Variants in AUTS2 observed in about 807,000 individuals in gnomAD.
AUTS2 encodes autism susceptibility gene 2 protein.
A neutral mutation model predicts 112.4 loss-of-function variants in AUTS2; 17 were observed. That is an observed-to-expected ratio of 0.15 (90% confidence interval 0.10 to 0.23). AUTS2 has a LOEUF of 0.23. Ranked by LOEUF, AUTS2 falls within the 10% of genes least tolerant of loss-of-function variation. The probability of loss-of-function intolerance (pLI) is 1.00; values close to 1 mark genes in which losing one functional copy is unlikely to be tolerated. For missense variants in AUTS2, 1,510 were observed against 1,701.6 expected (o/e 0.89, Z 1.98); for synonymous variants, 751 against 702.7 (o/e 1.07, Z -1.09).
chr7:70,605,744 A>G (rs1803724756), intron 5 of AUTS2, among the ~76,000 whole-genome samples: 1 of 152,182 alleles, frequency 6.6e-6, no homozygotes, highest in Admixed American at 6.5e-5. Context: ...ACATTGTATT[A>G]GCGAATCACA....
intron 4 of AUTS2, among the ~76,000 whole-genome samples, chr7:70,203,344 TAAAAAA>T (rs1229996091): frequency 1.4e-4 from 16 of 110,572 alleles, no homozygotes; most frequent in South Asian, 6.7e-4. Context: ...TAGAGTATAA[TAAAAAA>T]AAAAAAAAAA....
chr7:70,515,496 G>A (rs1005081522), intron 5 of AUTS2, among the ~76,000 whole-genome samples: 2 of 152,022 alleles, frequency 1.3e-5, no homozygotes, highest in Admixed American at 6.6e-5. Flanking sequence ...ATCTTGCCTC[G>A]GTGAGGATTG....
At chr7:70,744,029 G>A (rs1417894037) in intron 6 of AUTS2, among the ~76,000 whole-genome samples, 1 of 148,810 alleles carries the variant, frequency 6.7e-6, no homozygotes, top group Admixed American at 6.7e-5. Flanking sequence ...TCCAACTCAT[G>A]TATTTCCAGC....
intron 4 of AUTS2, among the ~76,000 whole-genome samples, chr7:70,351,357 T>A (rs1261509975): frequency 6.6e-6 from 1 of 152,184 alleles, no homozygotes; most frequent in East Asian, 1.9e-4. Context: ...CCCAGCCGAT[T>A]TCCTTCTTTT....
chr7:70,696,446 A>G (rs1234076508), intron 5 of AUTS2, among the ~76,000 whole-genome samples: 1 of 152,216 alleles, frequency 6.6e-6, no homozygotes, highest in African/African-American at 2.4e-5. Flanking sequence ...TCAGCCAAGT[A>G]AGGGCTTAGA....
At chr7:70,684,544 T>TGGC (rs1563126146) in intron 5 of AUTS2, among the ~76,000 whole-genome samples, 4 of 147,600 alleles carry the variant, frequency 2.7e-5, no homozygotes, top group Non-Finnish European at 4.5e-5. Context: ...TGTGGTGTGG[T>TGGC]GTGGCGTGGC....
intron 2 of AUTS2, among the ~76,000 whole-genome samples, chr7:70,004,330 T>G (rs1329889728): frequency 1.5e-5 from 2 of 132,724 alleles, no homozygotes; most frequent in African/African-American, 5.5e-5. Context: ...ATATAATATA[T>G]ATATGAATAT....
At chr7:70,226,196 T>C (rs1811754019) in intron 4 of AUTS2, among the ~76,000 whole-genome samples, 1 of 152,004 alleles carries the variant, frequency 6.6e-6, no homozygotes, top group Non-Finnish European at 1.5e-5. Flanking sequence ...ACCCCACTTT[T>C]TGTTTTTTTG....
intron 2 of AUTS2, among the ~76,000 whole-genome samples, chr7:69,968,944 A>C (rs953820438): frequency 1.3e-5 from 2 of 152,108 alleles, no homozygotes; most frequent in South Asian, 2.1e-4. Flanking sequence ...TTTTATTTAA[A>C]ATATCCATTT....
intron 4 of AUTS2, among the ~76,000 whole-genome samples, chr7:70,422,259 A>AG (rs1278470939): frequency 6.6e-6 from 1 of 152,228 alleles, no homozygotes; most frequent in East Asian, 1.9e-4. Context: ...CTGGTTGGTG[A>AG]GAAGTTGATA....
intron 1 of AUTS2, among the ~76,000 whole-genome samples, chr7:69,673,051 A>G (rs991038662): frequency 2.0e-5 from 3 of 152,176 alleles, no homozygotes; most frequent in Non-Finnish European, 4.4e-5. Context: ...TTTTTCCTAG[A>G]TTCAAATCAT....
chr7:69,926,235 T>C (rs1796003507), intron 2 of AUTS2, among the ~76,000 whole-genome samples: 1 of 152,226 alleles, frequency 6.6e-6, no homozygotes, highest in Non-Finnish European at 1.5e-5. Flanking sequence ...CTGCTTGTTC[T>C]ATCAAGAGAG....
chr7:69,883,754 C>A (rs1388984872), intron 1 of AUTS2, among the ~76,000 whole-genome samples: 1 of 152,250 alleles, frequency 6.6e-6, no homozygotes, highest in Non-Finnish European at 1.5e-5. Flanking sequence ...CTCCCAACCT[C>A]ACACAGCAGG....
chr7:70,522,822 G>A (rs947337129), intron 5 of AUTS2, among the ~76,000 whole-genome samples: 11 of 152,142 alleles, frequency 7.2e-5, no homozygotes, highest in Non-Finnish European at 5.9e-5. Context: ...CGTATGCCCA[G>A]TAATGAGATT....
chr7:69,859,689 G>T (rs1171095152), intron 1 of AUTS2, among the ~76,000 whole-genome samples: 12 of 152,212 alleles, frequency 7.9e-5, no homozygotes, highest in Non-Finnish European at 1.6e-4. Flanking sequence ...AAGAGCCAGT[G>T]AGCTGGGTTG....
intron 2 of AUTS2, among the ~76,000 whole-genome samples, chr7:70,027,332 A>G (rs1800566042): frequency 1.3e-5 from 2 of 152,096 alleles, no homozygotes; most frequent in South Asian, 2.1e-4. Flanking sequence ...TCTAACTGCT[A>G]GTATCTTTTA....
intron 4 of AUTS2, among the ~76,000 whole-genome samples, chr7:70,313,797 G>A (rs1789867513): frequency 6.6e-6 from 1 of 152,168 alleles, no homozygotes; most frequent in Admixed American, 6.6e-5. Flanking sequence ...CCAGCCTCAC[G>A]AACCAGGGCA....
chr7:69,743,329 G>A (rs898615375), intron 1 of AUTS2, among the ~76,000 whole-genome samples: 2 of 152,188 alleles, frequency 1.3e-5, no homozygotes, highest in African/African-American at 4.8e-5. Flanking sequence ...AGTGTTGTCA[G>A]TAGCCAGGGC....
At chr7:70,107,334 GC>G (rs1289701823) in intron 2 of AUTS2, among the ~76,000 whole-genome samples, 2 of 124,396 alleles carry the variant, frequency 1.6e-5, no homozygotes, top group Non-Finnish European at 1.7e-5. Flanking sequence ...CAGATGAGAA[GC>G]TTTTTTTTTT....
Sources: allele counts gnomAD v4.1 joint callset (sites outside exome capture counted in the v4.1 genomes callset), GRCh38; gene constraint gnomAD v4.1.1; transcripts MANE v1.5; gene names NCBI Gene and HGNC (gene_info 2026-07-23, HGNC 2026-07-21).